Variants in ZBTB16 observed in about 807,000 individuals in gnomAD.
ZBTB16 encodes the protein zinc finger and BTB domain-containing protein 16.
In ZBTB16, 8 loss-of-function variants were observed where a neutral mutation model predicts 56.8. The ratio of observed to expected loss-of-function variants is 0.14; its 90% CI spans 0.08 to 0.25. The LOEUF is 0.25. Ranked by LOEUF, ZBTB16 falls within the 10% of genes least tolerant of loss-of-function variation. ZBTB16 has a pLI of 1.00. For missense variants in ZBTB16, 625 were observed against 903.0 expected (o/e 0.69, Z 3.95); for synonymous variants, 363 against 368.5 (o/e 0.98, Z 0.17).
rs188800888 is a variant in ZBTB16 at position 114,207,132 on chromosome 11, A to G, written c.1453+20094A>G. ...CTCATGTGTTACATCCTAGGTAAGG[A>G]TGTCTCTGCCATCTTAACACCCATA... On this transcript the variant is annotated intron_variant, in intron 4 of 6. Transcript: ENST00000335953. Among the ~76,000 whole-genome samples, 6 of 152,220 alleles carry G rather than the reference A, an allele frequency of 3.9e-5. No homozygotes were observed. The East Asian group carries it at 1.2e-3, about 29-fold the overall frequency.
chr11:114,068,780 A>G lies in ZBTB16; in HGVS notation c.1268+4212A>G, dbSNP rs186934287. On this transcript the variant is annotated intron_variant, in intron 2 of 6. Transcript: ENST00000335953. The stretch of plus-strand genomic sequence containing the variant: ...TTCCAAAAGGCTGGAGCAGTTCTGC[A>G]TGTAGGCTTCTCTGGAAATGGTCTA... 4.6e-5 allele frequency among the ~76,000 whole-genome samples: 7 copies of G among 152,342 alleles called. No homozygotes were observed. In the East Asian group the frequency reaches 1.2e-3, roughly 25 times the overall value.
At chr11:114,146,848 C>CA (rs3057711) in intron 2 of ZBTB16, among the ~76,000 whole-genome samples, 188 of 118,780 alleles carry the variant, frequency 1.6e-3, no homozygotes, top group East Asian at 9.1e-3. Context: ...GATTCTGTCT[C>CA]AAAAAAAAAA....
At chr11:114,166,286 G>A (rs1174370386) in intron 3 of ZBTB16, among the ~76,000 whole-genome samples, 1 of 151,284 alleles carries the variant, frequency 6.6e-6, no homozygotes, top group Non-Finnish European at 1.5e-5. Flanking sequence ...GATGGAAGGT[G>A]TTTGCAGACA....
intron 3 of ZBTB16, among the ~76,000 whole-genome samples, chr11:114,178,408 AGAGAT>A (rs1191821316): frequency 3.3e-5 from 5 of 152,172 alleles, no homozygotes; most frequent in Non-Finnish European, 7.3e-5. Context: ...CAGGCCCAGA[AGAGAT>A]AATTCACTTC....
At chr11:114,219,076 G>A (rs192876494) in intron 4 of ZBTB16, among the ~76,000 whole-genome samples, 5 of 152,294 alleles carry the variant, frequency 3.3e-5, no homozygotes, top group South Asian at 4.1e-4. Flanking sequence ...ATGCATGTAC[G>A]TGCGTGTATA....
rs1014341325 is a variant in ZBTB16 at position 114,206,877 on chromosome 11, A to G, written c.1453+19839A>G. Among the ~76,000 whole-genome samples, 9 of 152,156 alleles carry G rather than the reference A, an allele frequency of 5.9e-5. No individual in the cohort carries two copies. The East Asian group carries it at 1.7e-3, about 29-fold the overall frequency. Reference sequence around the variant, plus strand: ...GGCTTCTGCACACAGCATTTCCCCCATGTTACTTCTCTGTCTGATCTCTCA... The same window carrying G: ...GGCTTCTGCACACAGCATTTCCCCCGTGTTACTTCTCTGTCTGATCTCTCA... On this transcript the variant is annotated intron_variant, in intron 4 of 6. Coordinates refer to ENST00000335953, the MANE Select transcript of ZBTB16 (RefSeq NM_006006.6).
At chr11:114,175,667 T>C (rs1943091345) in intron 3 of ZBTB16, among the ~76,000 whole-genome samples, 2 of 152,042 alleles carry the variant, frequency 1.3e-5, no homozygotes, top group Non-Finnish European at 2.9e-5. Flanking sequence ...CTCAGCATTG[T>C]GAGAGGACTC....
chr11:114,068,283 T>C (rs982504092), intron 2 of ZBTB16, among the ~76,000 whole-genome samples: 26 of 152,074 alleles, frequency 1.7e-4, no homozygotes, highest in Admixed American at 1.7e-3. Flanking sequence ...GAAGGCGGAT[T>C]GCTGGTAAGT....
chr11:114,202,746 G>A (rs536304701), intron 4 of ZBTB16, among the ~76,000 whole-genome samples: 33 of 152,268 alleles, frequency 2.2e-4, no homozygotes, highest in African/African-American at 7.2e-4. Flanking sequence ...GCAGTCCTGC[G>A]GAGCCCCGGG....
intron 2 of ZBTB16, among the ~76,000 whole-genome samples, chr11:114,123,194 C>T (rs779356788): frequency 3.3e-5 from 5 of 152,064 alleles, no homozygotes; most frequent in East Asian, 1.9e-4. Flanking sequence ...CAGTCACATT[C>T]GAGATCAGCG....
At chr11:114,212,358 C>G (rs1344693683) in intron 4 of ZBTB16, among the ~76,000 whole-genome samples, 1 of 152,140 alleles carries the variant, frequency 6.6e-6, no homozygotes, top group Non-Finnish European at 1.5e-5. Flanking sequence ...TGCCTCTCCC[C>G]CTCCCCCAGG....
At chr11:114,230,881 C>G (rs1944432099) in intron 4 of ZBTB16, among the ~76,000 whole-genome samples, 1 of 152,162 alleles carries the variant, frequency 6.6e-6, no homozygotes, top group Non-Finnish European at 1.5e-5. Context: ...GCCTCTGTCT[C>G]TCTCTCTTTT....
intron 2 of ZBTB16, among the ~76,000 whole-genome samples, chr11:114,133,251 G>C (rs1053436372): frequency 5.9e-5 from 9 of 152,046 alleles, no homozygotes; most frequent in African/African-American, 2.2e-4. Flanking sequence ...TTCAATCCTA[G>C]TGAATGCCCT....
At chr11:114,172,382 T>C (rs1162804829) in intron 3 of ZBTB16, among the ~76,000 whole-genome samples, 1 of 152,188 alleles carries the variant, frequency 6.6e-6, no homozygotes, top group Non-Finnish European at 1.5e-5. Context: ...CTGTGCCAGA[T>C]TGCTTTACTT....
intron 2 of ZBTB16, among the ~76,000 whole-genome samples, chr11:114,076,380 T>C (rs954606507): frequency 6.6e-6 from 1 of 152,178 alleles, no homozygotes; most frequent in African/African-American, 2.4e-5. Context: ...GCACGCACGC[T>C]CACGGAGGCA....
At chr11:114,246,056 T>A (rs561364147) in intron 5 of ZBTB16, among the ~76,000 whole-genome samples, 1 of 152,098 alleles carries the variant, frequency 6.6e-6, no homozygotes, top group Non-Finnish European at 1.5e-5. Context: ...ATGGTTATTC[T>A]CCACACCCCA....
chr11:114,140,821 C>T (rs951681133), intron 2 of ZBTB16, among the ~76,000 whole-genome samples: 2 of 152,166 alleles, frequency 1.3e-5, no homozygotes, highest in Non-Finnish European at 2.9e-5. Context: ...ACCATGTTGG[C>T]ATTTTGTTCT....
intron 4 of ZBTB16, among the ~76,000 whole-genome samples, chr11:114,194,694 C>T (rs1044616755): frequency 1.3e-5 from 2 of 152,178 alleles, no homozygotes; most frequent in African/African-American, 4.8e-5. Context: ...TTTTTTTACA[C>T]TGTTCAGTAA....
At chr11:114,169,703 G>A (rs1942900323) in intron 3 of ZBTB16, among the ~76,000 whole-genome samples, 1 of 152,210 alleles carries the variant, frequency 6.6e-6, no homozygotes, top group Non-Finnish European at 1.5e-5. Flanking sequence ...GTTGAGCAAG[G>A]CTGGGTGTGC....
Sources: allele counts gnomAD v4.1 joint callset (sites outside exome capture counted in the v4.1 genomes callset), GRCh38; gene constraint gnomAD v4.1.1; transcripts MANE v1.5; gene names NCBI Gene and HGNC (gene_info 2026-07-23, HGNC 2026-07-21).